Variants in RBFOX1 observed in about 807,000 individuals in gnomAD.
RBFOX1 encodes the protein RNA binding protein fox-1 homolog 1.
A neutral mutation model predicts 57.7 loss-of-function variants in RBFOX1; 8 were observed. That is an observed-to-expected ratio of 0.14 (90% CI 0.08 to 0.25). RBFOX1 has a LOEUF of 0.25. RBFOX1 is among the 10% of genes least tolerant of loss of function. RBFOX1 has a pLI of 1.00. For missense variants in RBFOX1, 611 were observed against 548.5 expected, an observed-to-expected ratio of 1.11 and a Z score of -1.14; for synonymous variants, 326 against 222.4, an observed-to-expected ratio of 1.47 and a Z score of -4.15.
chr16:5,974,888 AC>A (rs1369190243), intron 4 of RBFOX1, among the ~76,000 whole-genome samples: 1 of 151,858 alleles, frequency 6.6e-6, no homozygotes, highest in Non-Finnish European at 1.5e-5. Context: ...CATGCCTATT[AC>A]CCTGGCTACT....
chr16:6,308,964 C>A (rs959658875), intron 1 of RBFOX1, among the ~76,000 whole-genome samples: 1 of 152,028 alleles, frequency 6.6e-6, no homozygotes, highest in African/African-American at 2.4e-5. Flanking sequence ...CGTCTCTCTG[C>A]TTCTACAAGA....
intron 3 of RBFOX1, among the ~76,000 whole-genome samples, chr16:6,852,118 A>G (rs145299551): frequency 1.2e-4 from 18 of 151,942 alleles, no homozygotes; most frequent in African/African-American, 4.3e-4. Context: ...AAAATGATAT[A>G]AATTTATTAT....
intron 4 of RBFOX1, among the ~76,000 whole-genome samples, chr16:7,402,936 T>C (rs934978822): frequency 1.3e-5 from 2 of 152,146 alleles, no homozygotes; most frequent in East Asian, 1.9e-4. Flanking sequence ...TTGGAGGCAA[T>C]TCTAGAAACA....
intron 3 of RBFOX1, among the ~76,000 whole-genome samples, chr16:5,630,491 G>T (rs947876095): frequency 6.6e-6 from 1 of 151,986 alleles, no homozygotes; most frequent in Non-Finnish European, 1.5e-5. Context: ...GAAAACTTTG[G>T]GACCTTAGAC....
chr16:7,631,891 G>T (rs1018162428), intron 11 of RBFOX1, among the ~76,000 whole-genome samples: 1 of 152,130 alleles, frequency 6.6e-6, no homozygotes. Context: ...TCTTCAGGAG[G>T]TCTGACAGCC....
At chr16:5,963,057 T>C (rs2059781100) in intron 4 of RBFOX1, among the ~76,000 whole-genome samples, 1 of 152,154 alleles carries the variant, frequency 6.6e-6, no homozygotes, top group East Asian at 1.9e-4. Context: ...TGTATCCTGA[T>C]CGTAATATGT....
chr16:5,288,114 C>T (rs1214183250), intron 1 of RBFOX1, among the ~76,000 whole-genome samples: 3 of 152,194 alleles, frequency 2.0e-5, no homozygotes, highest in Admixed American at 6.5e-5. Flanking sequence ...CTTTGTCCTG[C>T]GTCCCCAAGG....
intron 4 of RBFOX1, among the ~76,000 whole-genome samples, chr16:7,384,634 C>G (rs997887915): frequency 4.6e-5 from 7 of 152,078 alleles, no homozygotes; most frequent in African/African-American, 1.7e-4. Flanking sequence ...CAGGCCATGC[C>G]AACTTTGGAA....
intron 4 of RBFOX1, among the ~76,000 whole-genome samples, chr16:5,990,125 G>A (rs138347143): frequency 0.012 from 1,780 of 152,184 alleles, 41 homozygotes; most frequent in African/African-American, 0.041. Flanking sequence ...AGCTGGGACT[G>A]TAGGCATGTG....
chr16:6,410,610 C>G (rs527370150), intron 2 of RBFOX1, among the ~76,000 whole-genome samples: 1 of 152,274 alleles, frequency 6.6e-6, no homozygotes, highest in East Asian at 1.9e-4. Context: ...CGCGCACCTT[C>G]TATTTGAGGC....
chr16:6,640,032 T>G (rs528619851), intron 2 of RBFOX1, among the ~76,000 whole-genome samples: 37 of 152,294 alleles, frequency 2.4e-4, no homozygotes, highest in Middle Eastern at 3.4e-3. Context: ...CCCCATTTTC[T>G]GAAATACAGA....
Position 5,424,061 on chromosome 16 carries a change from G to A in RBFOX1, c.220-43155G>A, listed in dbSNP as rs76250058. On this transcript the variant is annotated intron_variant, in intron 1 of 2. Transcript: ENST00000585867. Reference sequence around the variant, plus strand: ...TCCTAGGGACCCCTCGTGTTTCCTGGCCACCTTCAGATTTATGTATTTGTT... The same window carrying A: ...TCCTAGGGACCCCTCGTGTTTCCTGACCACCTTCAGATTTATGTATTTGTT... Among the ~76,000 whole-genome samples, 348 of 152,238 alleles carry A rather than the reference G, an allele frequency of 2.3e-3. 1 individual carries two copies. Among genetic ancestry groups the A allele is most frequent in the African/African-American group, 8.0e-3 (334 of 41,536 alleles).
At chr16:7,342,740 C>T (rs566386446) in intron 4 of RBFOX1, among the ~76,000 whole-genome samples, 1 of 152,094 alleles carries the variant, frequency 6.6e-6, no homozygotes, top group Non-Finnish European at 1.5e-5. Context: ...TGGCTCATGG[C>T]TCTGGGTGGT....
chr16:7,001,934 T>C (rs1416691845), intron 3 of RBFOX1, among the ~76,000 whole-genome samples: 3 of 152,110 alleles, frequency 2.0e-5, no homozygotes, highest in African/African-American at 7.2e-5. Flanking sequence ...AGTTCTACTT[T>C]TTTTCTCCTG....
At chr16:5,931,666 A>G (rs2059061242) in intron 4 of RBFOX1, among the ~76,000 whole-genome samples, 2 of 152,106 alleles carry the variant, frequency 1.3e-5, no homozygotes, top group Non-Finnish European at 2.9e-5. Flanking sequence ...AAGGAGACTC[A>G]AGTTTTGTGG....
intron 2 of RBFOX1, among the ~76,000 whole-genome samples, chr16:5,546,180 A>C (rs1318919245): frequency 6.6e-6 from 1 of 152,194 alleles, no homozygotes; most frequent in Non-Finnish European, 1.5e-5. Context: ...ATGAAGAACT[A>C]AATAAATGGA....
At chr16:6,751,813 T>A (rs1445768638) in intron 3 of RBFOX1, among the ~76,000 whole-genome samples, 1 of 152,134 alleles carries the variant, frequency 6.6e-6, no homozygotes, top group Non-Finnish European at 1.5e-5. Context: ...TTGCTATTAT[T>A]TTCATAACAA....
intron 4 of RBFOX1, among the ~76,000 whole-genome samples, chr16:7,425,627 T>G (rs533249114): frequency 1.1e-4 from 16 of 152,314 alleles, no homozygotes; most frequent in African/African-American, 3.8e-4. Flanking sequence ...CTTCTCTGGA[T>G]AAATGTGTGA....
At chr16:5,918,560 C>T (rs1004931977) in intron 4 of RBFOX1, among the ~76,000 whole-genome samples, 1 of 152,208 alleles carries the variant, frequency 6.6e-6, no homozygotes, top group Non-Finnish European at 1.5e-5. Flanking sequence ...ACAGAGCCCT[C>T]ACTATCTATA....
Sources: gnomAD v4.1 joint callset for allele counts (sites outside exome capture counted in the v4.1 genomes callset) on GRCh38, gnomAD v4.1.1 for gene constraint, MANE v1.5 for transcripts, NCBI Gene and HGNC (gene_info 2026-07-23, HGNC 2026-07-21) for gene names.